The following SPSB4 variants were observed in gnomAD, a reference collection of about 807,000 sequenced individuals.
SPSB4 encodes splA/ryanodine receptor domain and SOCS box containing 4, also known as SPRY domain-containing SOCS box protein 4.
SPSB4 carries 21 observed loss-of-function variants against 20.9 expected under a neutral mutation model. The ratio of observed to expected loss-of-function variants is 1.01; its 90% CI spans 0.71 to 1.45. The LOEUF (loss-of-function observed/expected upper bound fraction) is 1.45. SPSB4 is among the 40% of genes most tolerant of loss of function. SPSB4 has a pLI of 0.00. For missense variants in SPSB4, 399 were observed against 399.2 expected (o/e 1.00, Z 0.00); for synonymous variants, 207 against 183.8 (o/e 1.13, Z -1.02).
At chr3:141,108,181 G>C (rs966054220) in intron 2 of SPSB4, among the ~76,000 whole-genome samples, 9 of 151,954 alleles carry the variant, frequency 5.9e-5, no homozygotes, top group African/African-American at 2.2e-4. Context: ...CCTCTGCCTG[G>C]CAACCCCTTC....
chr3:141,105,736 A>G (rs1319591278), intron 2 of SPSB4, among the ~76,000 whole-genome samples: 1 of 152,258 alleles, frequency 6.6e-6, no homozygotes, highest in Admixed American at 6.5e-5. Context: ...TAATTAATAA[A>G]GAAGACACAA....
chr3:141,072,650 T>C (rs557062084), intron 2 of SPSB4, among the ~76,000 whole-genome samples: 2 of 152,210 alleles, frequency 1.3e-5, no homozygotes, highest in Non-Finnish European at 2.9e-5. Flanking sequence ...CTGAGCCAAA[T>C]AAACCTTGTT....
chr3:141,059,714 G>A (rs933231641), intron 1 of SPSB4, among the ~76,000 whole-genome samples: 1 of 152,126 alleles, frequency 6.6e-6, no homozygotes, highest in African/African-American at 2.4e-5. Flanking sequence ...GTGAATTTGG[G>A]GAGGACACAA....
chr3:141,129,632 G>T (rs993921166), intron 2 of SPSB4, among the ~76,000 whole-genome samples: 5 of 152,176 alleles, frequency 3.3e-5, no homozygotes, highest in Admixed American at 3.3e-4. Context: ...TCAGAGAGAC[G>T]CTGGGTAGGA....
intron 2 of SPSB4, among the ~76,000 whole-genome samples, chr3:141,078,869 A>C (rs1336917662): frequency 1.3e-5 from 2 of 152,158 alleles, no homozygotes; most frequent in Admixed American, 1.3e-4. Context: ...TCCCGACAGC[A>C]GGGGCTGGGC....
At chr3:141,073,256 G>A (rs1202550992) in intron 2 of SPSB4, among the ~76,000 whole-genome samples, 1 of 152,228 alleles carries the variant, frequency 6.6e-6, no homozygotes, top group South Asian at 2.1e-4. Context: ...CTCACAGTAG[G>A]TTAATATTGA....
chr3:141,057,856 G>A (rs574048686), intron 1 of SPSB4, among the ~76,000 whole-genome samples: 32 of 152,274 alleles, frequency 2.1e-4, no homozygotes, highest in African/African-American at 7.7e-4. Flanking sequence ...GAATTCCAGT[G>A]GTATCTAACT....
chr3:141,059,453 AAGG>A (rs142484554), intron 1 of SPSB4, among the ~76,000 whole-genome samples: 15,711 of 150,660 alleles, frequency 0.1, 982 homozygotes, highest in Non-Finnish European at 0.15. Flanking sequence ...GCAGAAGGTG[AAGG>A]AGGAGAAGGC....
intron 1 of SPSB4, among the ~76,000 whole-genome samples, chr3:141,057,860 T>C (rs535038100): frequency 6.6e-5 from 10 of 152,346 alleles, no homozygotes; most frequent in African/African-American, 2.4e-4. Flanking sequence ...TCCAGTGGTA[T>C]CTAACTGGAT....
At chr3:141,070,539 A>G (rs1192985827) in intron 2 of SPSB4, among the ~76,000 whole-genome samples, 1 of 152,066 alleles carries the variant, frequency 6.6e-6, no homozygotes, top group Admixed American at 6.6e-5. Context: ...GTAATGGCTA[A>G]TTTAAAAAAA....
At chr3:141,054,071 G>A (rs1255863755) in intron 1 of SPSB4, among the ~76,000 whole-genome samples, 1 of 152,182 alleles carries the variant, frequency 6.6e-6, no homozygotes, top group African/African-American at 2.4e-5. Flanking sequence ...AACTGTCCTT[G>A]GAAGGGCTTC....
intron 2 of SPSB4, among the ~76,000 whole-genome samples, chr3:141,136,797 G>A (rs1161216116): frequency 6.6e-6 from 1 of 152,138 alleles, no homozygotes; most frequent in Non-Finnish European, 1.5e-5. Flanking sequence ...TTGTTCTGTT[G>A]GCTTAGGATT....
rs1357278688 is a variant in SPSB4, at chr3:141,066,442, C to G, written c.338C>G (p.Ala113Gly). 4 of 1,506,266 alleles carry G rather than the reference C, an allele frequency of 2.7e-6. No homozygotes were observed. The highest frequency in any genetic ancestry group is 2.1e-5 in the Admixed American group (1 of 47,240). The allele number at this position is 1,506,266 out of a possible 1,614,324, so 93.3% of individuals were successfully genotyped here. The stretch of plus-strand genomic sequence containing the variant: ...CCGGCTCGGCAGCGCGGCACCCACG[C>G]TGTAGTTGGTGTGGCCACGGCCCGT... ...NWPARQRGTH[A>G]VVGVATARAP... Residue 113 changes from alanine to glycine, a missense_variant, in exon 2 of 3, where the codon GCT becomes GGT. Ala to Gly is a moderately conservative substitution (Grantham distance 60). Transcript: ENST00000310546.
At chr3:141,139,538 C>A (rs972109895) in intron 2 of SPSB4, among the ~76,000 whole-genome samples, 6 of 152,180 alleles carry the variant, frequency 3.9e-5, no homozygotes, top group Non-Finnish European at 7.3e-5. Flanking sequence ...CTGGTGGTAA[C>A]AAAATCTCTC....
chr3:141,122,050 T>C (rs752173893), intron 2 of SPSB4, among the ~76,000 whole-genome samples: 1 of 152,178 alleles, frequency 6.6e-6, no homozygotes, highest in African/African-American at 2.4e-5. Context: ...CTCTTTGTGG[T>C]TTTATCTACG....
intron 2 of SPSB4, among the ~76,000 whole-genome samples, chr3:141,127,672 G>C (rs932873312): frequency 5.9e-5 from 9 of 152,168 alleles, no homozygotes; most frequent in African/African-American, 2.2e-4. Flanking sequence ...TCAACCGGTG[G>C]AGAGGAGCCT....
Position 141,134,062 on chromosome 3 carries a change from T to TC in SPSB4, c.695-13080_695-13079insC, listed in dbSNP as rs1174227501. Among the ~76,000 whole-genome samples, 630 of 143,010 alleles carry TC rather than the reference T, an allele frequency of 4.4e-3. 2 individuals carry two copies. Among genetic ancestry groups the TC allele is most frequent in the African/African-American group, 0.016 (604 of 38,706 alleles). The allele number at this position is 143,010 out of a possible 152,430, so 93.8% of individuals were successfully genotyped here. On this transcript the variant is annotated intron_variant, in intron 2 of 2. Coordinates refer to ENST00000310546, the MANE Select transcript of SPSB4 (RefSeq NM_080862.3). ...TTTTTTTTTTTTCTTTTTTCTTTTT[T>TC]TTTTTTTTTTTTTGCAGCTGTTGTA...
chr3:141,125,515 G>A (rs752991072), intron 2 of SPSB4, among the ~76,000 whole-genome samples: 3 of 152,222 alleles, frequency 2.0e-5, no homozygotes, highest in Admixed American at 2.0e-4. Flanking sequence ...GGACTCAGGT[G>A]TTCTCAGGCA....
rs1433777877 is a variant in SPSB4 at position 141,081,315 on chromosome 3, C to T, written c.694+14517C>T. On this transcript the variant is annotated intron_variant, in intron 2 of 2. Transcript: ENST00000310546. ...GAGCCCATGTAAACCATTCCGACCGCGGCTCAAAGTTCTACTGGATGGGGC... is the reference window on the plus strand; with the variant it reads ...GAGCCCATGTAAACCATTCCGACCGTGGCTCAAAGTTCTACTGGATGGGGC... Among the ~76,000 whole-genome samples the T allele has an allele frequency of 5.3e-5, 8 of 152,298 alleles. 1 individual carries two copies. The South Asian group carries it at 1.0e-3, about 20-fold the overall frequency.
Sources: allele counts gnomAD v4.1 joint callset (sites outside exome capture counted in the v4.1 genomes callset), GRCh38; gene constraint gnomAD v4.1.1; transcripts MANE v1.5; gene names NCBI Gene and HGNC (gene_info 2026-07-23, HGNC 2026-07-21).